BLTP3B: variants seen among roughly 807,000 people sequenced by gnomAD.
BLTP3B encodes the protein bridge-like lipid transfer protein family member 3B, also known as UHRF1 (ICBP90) binding protein 1-like.
chr12:100,109,894 G>A, the BLTP3B span, among the ~76,000 whole-genome samples: 1 of 152,052 alleles, frequency 6.6e-6, no homozygotes, highest in African/African-American at 2.4e-5. Context: ...TAACCTATTA[G>A]GGTCTATACT....
the BLTP3B span, among the ~76,000 whole-genome samples, chr12:100,090,811 T>C: frequency 2.6e-5 from 4 of 152,192 alleles, no homozygotes; most frequent in African/African-American, 4.8e-5. Flanking sequence ...ATAACAAGAC[T>C]GTATTTATGT....
chr12:100,098,210 C>G, the BLTP3B span: 10 of 854,232 alleles, frequency 1.2e-5, no homozygotes, highest in Admixed American at 3.0e-5. Flanking sequence ...AGAGTGAGAC[C>G]CTGTCTCCCC....
chr12:100,101,500 T>C, the BLTP3B span, among the ~76,000 whole-genome samples: 1 of 152,184 alleles, frequency 6.6e-6, no homozygotes, highest in African/African-American at 2.4e-5. Flanking sequence ...TGAGGAGGCA[T>C]TAATCACATT....
chr12:100,107,286 TC>T, the BLTP3B span, among the ~76,000 whole-genome samples: 3 of 52,164 alleles, frequency 5.8e-5, no homozygotes, highest in African/African-American at 9.1e-5. Context: ...AGACTCCATC[TC>T]CCAAAAAAAA....
the BLTP3B span, among the ~76,000 whole-genome samples, chr12:100,135,277 C>CTTTTTTT: frequency 8.6e-6 from 1 of 116,336 alleles, no homozygotes; most frequent in African/African-American, 4.8e-5. Context: ...TTTTTTCTTT[C>CTTTTTTT]TTTCTTTTTT....
chr12:100,077,708 T>C, the BLTP3B span, among the ~76,000 whole-genome samples: 1 of 152,354 alleles, frequency 6.6e-6, no homozygotes, highest in South Asian at 2.1e-4. Flanking sequence ...AGCCACAGAC[T>C]TATCAAAATA....
At chr12:100,069,173 C>T in the BLTP3B span, among the ~76,000 whole-genome samples, 3 of 152,120 alleles carry the variant, frequency 2.0e-5, no homozygotes, top group African/African-American at 7.2e-5. Context: ...GATCGTGCTG[C>T]TGCACTCCAG....
chr12:100,098,209 C>T, the BLTP3B span: 1 of 851,844 alleles, frequency 1.2e-6, no homozygotes, highest in East Asian at 2.7e-5. Context: ...CAGAGTGAGA[C>T]CCTGTCTCCC....
chr12:100,113,654 C>T, the BLTP3B span, among the ~76,000 whole-genome samples: 1 of 151,808 alleles, frequency 6.6e-6, no homozygotes, highest in Non-Finnish European at 1.5e-5. Flanking sequence ...TAAGTGTTCA[C>T]TATTATTAAG....
chr12:100,073,917 T>G, the BLTP3B span, among the ~76,000 whole-genome samples: 74 of 152,292 alleles, frequency 4.9e-4, 1 homozygote, highest in Admixed American at 1.2e-3. Flanking sequence ...AATATCGTTC[T>G]GAAGCGGCAA....
chr12:100,064,133 C>A, the BLTP3B span, among the ~76,000 whole-genome samples: 1 of 151,946 alleles, frequency 6.6e-6, no homozygotes, highest in Admixed American at 6.6e-5. Flanking sequence ...CATAGAAATG[C>A]GAAATGCTAT....
At chr12:100,115,778 AAAC>A in the BLTP3B span, among the ~76,000 whole-genome samples, 13 of 152,074 alleles carry the variant, frequency 8.5e-5, no homozygotes, top group Admixed American at 1.3e-4. Context: ...AAAAACAAAA[AAAC>A]AAAAAAAACA....
chr12:100,108,920 G>A, the BLTP3B span, among the ~76,000 whole-genome samples: 1 of 152,178 alleles, frequency 6.6e-6, no homozygotes, highest in Non-Finnish European at 1.5e-5. Flanking sequence ...GGAAAGGGTA[G>A]TGGTGGGGAG....
the BLTP3B span, among the ~76,000 whole-genome samples, chr12:100,041,139 T>C: frequency 6.6e-6 from 1 of 152,212 alleles, no homozygotes; most frequent in African/African-American, 2.4e-5. Context: ...ATCCCAGGAA[T>C]GCAAATGTAT....
the BLTP3B span, chr12:100,037,300 A>T: frequency 3.3e-5 from 33 of 1,012,096 alleles, no homozygotes; most frequent in Middle Eastern, 9.8e-4. Context: ...TTTTCCTTTT[A>T]CATTTTAAAA....
the BLTP3B span, among the ~76,000 whole-genome samples, chr12:100,094,821 G>A: frequency 1.3e-5 from 2 of 152,180 alleles, no homozygotes; most frequent in Non-Finnish European, 2.9e-5. Context: ...GATTGTGCCA[G>A]TGAACTCCAG....
the BLTP3B span, among the ~76,000 whole-genome samples, chr12:100,067,958 C>T: frequency 6.6e-6 from 1 of 152,098 alleles, no homozygotes; most frequent in African/African-American, 2.4e-5. Flanking sequence ...CAATTCCCAT[C>T]AAAATACCAC....
the BLTP3B span, among the ~76,000 whole-genome samples, chr12:100,102,008 C>G: frequency 2.0e-5 from 3 of 151,990 alleles, no homozygotes; most frequent in Non-Finnish European, 4.4e-5. Flanking sequence ...CCATGTTGGT[C>G]AAGCTGGTGG....
At chr12:100,088,361 A>G in the BLTP3B span, among the ~76,000 whole-genome samples, 2 of 152,306 alleles carry the variant, frequency 1.3e-5, no homozygotes, top group South Asian at 4.1e-4. Flanking sequence ...TACATCTACT[A>G]AATAAGGAAA....
Sources: gnomAD v4.1 joint callset for allele counts (sites outside exome capture counted in the v4.1 genomes callset) on GRCh38, gnomAD v4.1.1 for gene constraint, MANE v1.5 for transcripts, NCBI Gene and HGNC (gene_info 2026-07-23, HGNC 2026-07-21) for gene names.